LARS2: variants seen among roughly 807,000 people sequenced by gnomAD.
LARS2 encodes leucyl-tRNA synthetase 2, mitochondrial, also known as leucine--tRNA ligase, mitochondrial.
A neutral mutation model predicts 116.6 loss-of-function variants in LARS2; 81 were observed. The observed-to-expected ratio is 0.69, with a 90% CI of 0.58 to 0.84. The LOEUF (loss-of-function observed/expected upper bound fraction) is 0.84. Ranked by LOEUF, LARS2 falls within the 40% of genes least tolerant of loss-of-function variation. LARS2 has a pLI of 0.00. For synonymous variants in LARS2, 396 were observed against 407.2 expected (o/e 0.97, Z 0.33); for missense variants, 968 against 1,114.5 (o/e 0.87, Z 1.87).
At chr3:45,433,422 T>C (rs1698752525) in intron 6 of LARS2, among the ~76,000 whole-genome samples, 1 of 152,128 alleles carries the variant, frequency 6.6e-6, no homozygotes, top group Admixed American at 6.5e-5. Context: ...GGTAGCTTTT[T>C]TATTAGTTGC....
intron 20 of LARS2, among the ~76,000 whole-genome samples, chr3:45,537,422 A>G (rs1413025161): frequency 1.3e-5 from 2 of 152,200 alleles, no homozygotes; most frequent in Non-Finnish European, 2.9e-5. Context: ...TTTACACTGT[A>G]CTCATTAACT....
chr3:45,547,169 A>G (rs1700888217), intron 21 of LARS2, among the ~76,000 whole-genome samples, 182 bp from the exon 22 acceptor site: 1 of 152,164 alleles, frequency 6.6e-6, no homozygotes, highest in South Asian at 2.1e-4. Flanking sequence ...CATTAATCCT[A>G]TTCAGCTGGT....
chr3:45,504,090 G>A (rs1700163317), intron 15 of LARS2, among the ~76,000 whole-genome samples: 3 of 151,954 alleles, frequency 2.0e-5, no homozygotes, highest in Admixed American at 6.6e-5. Flanking sequence ...TCTTTTTAAT[G>A]TAGGCATAGT....
intron 7 of LARS2, among the ~76,000 whole-genome samples, chr3:45,451,193 C>T (rs4683114): frequency 0.5 from 75,486 of 151,868 alleles, 21,909 homozygotes; most frequent in East Asian, 0.68. Flanking sequence ...TGTGCAGAAG[C>T]TTTTTTGCTT....
intron 6 of LARS2, among the ~76,000 whole-genome samples, chr3:45,428,534 C>T (rs1350293518): frequency 1.3e-5 from 2 of 151,730 alleles, no homozygotes; most frequent in African/African-American, 4.8e-5. Flanking sequence ...CGTGAGCCAC[C>T]GCGCCCAGCC....
intron 1 of LARS2, chr3:45,389,180 C>T (rs1697895711): frequency 6.6e-6 from 1 of 151,866 alleles, no homozygotes; most frequent in African/African-American, 2.4e-5. Flanking sequence ...TGAATTTTTC[C>T]AGGTGCATTC....
At chr3:45,445,422 G>C (rs1559471737) in intron 6 of LARS2, among the ~76,000 whole-genome samples, 1 of 152,206 alleles carries the variant, frequency 6.6e-6, no homozygotes, top group Non-Finnish European at 1.5e-5. Context: ...AGGTTTTGGG[G>C]AGCAAGCCCA....
chr3:45,526,069 G>A (rs1266920907), intron 20 of LARS2, among the ~76,000 whole-genome samples: 1 of 152,212 alleles, frequency 6.6e-6, no homozygotes, highest in African/African-American at 2.4e-5. Flanking sequence ...AAAGACGAAG[G>A]AGGTGAGGAA....
chr3:45,395,849 AAAATG>A (rs1322421497), intron 3 of LARS2, among the ~76,000 whole-genome samples: 1 of 152,254 alleles, frequency 6.6e-6, no homozygotes, highest in African/African-American at 2.4e-5. Flanking sequence ...TGTAACAAGT[AAAATG>A]AAATGAAAAA....
At chr3:45,403,586 T>C (rs867317178) in intron 4 of LARS2, among the ~76,000 whole-genome samples, 1 of 152,140 alleles carries the variant, frequency 6.6e-6, no homozygotes, top group Non-Finnish European at 1.5e-5. Flanking sequence ...TAAGCTTTTA[T>C]AGCAACTGTA....
At chr3:45,446,753 A>C (rs1699025915) in intron 6 of LARS2, 138 bp from the exon 7 acceptor site, 2 of 574,090 alleles carry the variant, frequency 3.5e-6, no homozygotes, top group South Asian at 4.7e-5. Flanking sequence ...CTTACTTTAC[A>C]AACTGGTGAA....
intron 7 of LARS2, among the ~76,000 whole-genome samples, chr3:45,449,121 T>G: frequency 6.7e-6 from 1 of 149,498 alleles, no homozygotes; most frequent in African/African-American, 2.5e-5. Context: ...AGAGGGAGAG[T>G]GTGAGGGAGG....
At chr3:45,461,031 C>G (rs938151947) in intron 8 of LARS2, among the ~76,000 whole-genome samples, 4 of 151,888 alleles carry the variant, frequency 2.6e-5, no homozygotes, top group African/African-American at 7.3e-5. Flanking sequence ...AAATTATGGC[C>G]TAAAATCAAG....
intron 21 of LARS2, among the ~76,000 whole-genome samples, chr3:45,545,439 C>T (rs1368141061): frequency 6.6e-6 from 1 of 152,236 alleles, no homozygotes; most frequent in East Asian, 1.9e-4. Context: ...GCTTCTTCCT[C>T]TTTGGGCCCT....
At chr3:45,514,992 C>T (rs563805556) in intron 16 of LARS2, among the ~76,000 whole-genome samples, 21 of 152,274 alleles carry the variant, frequency 1.4e-4, no homozygotes, top group Admixed American at 3.9e-4. Flanking sequence ...GTTTCTGTCT[C>T]CTTCATGGAT....
chr3:45,498,766 C>T (rs1005369807), intron 14 of LARS2, among the ~76,000 whole-genome samples: 6 of 152,166 alleles, frequency 3.9e-5, no homozygotes, highest in African/African-American at 1.4e-4. Context: ...CCCCTCCCAC[C>T]GAAGGTCCCA....
At chr3:45,513,315 A>T in intron 16 of LARS2, 80 bp downstream of exon 16, 3 of 933,822 alleles carry the variant, frequency 3.2e-6, no homozygotes, top group Non-Finnish European at 3.5e-6. Flanking sequence ...GCAAGCAGGC[A>T]TCTGCCTCTA....
intron 8 of LARS2, among the ~76,000 whole-genome samples, chr3:45,466,915 CCTGCATTGTT>C (rs1416624222): frequency 1.3e-5 from 2 of 152,142 alleles, no homozygotes; most frequent in African/African-American, 4.8e-5. Flanking sequence ...CGGGGTTTCA[CCTGCATTGTT>C]TACCCCTGCT....
chr3:45,506,026 T>C (rs144989488), intron 15 of LARS2, among the ~76,000 whole-genome samples: 12 of 152,240 alleles, frequency 7.9e-5, no homozygotes, highest in African/African-American at 2.9e-4. Flanking sequence ...CAGGTAACAC[T>C]TGGATTTTGC....
Sources: allele counts gnomAD v4.1 joint callset (sites outside exome capture counted in the v4.1 genomes callset), GRCh38; gene constraint gnomAD v4.1.1; transcripts MANE v1.5; gene names NCBI Gene and HGNC (gene_info 2026-07-23, HGNC 2026-07-21).